Variants in GRIK2 observed in about 807,000 individuals in gnomAD.
GRIK2 encodes the protein glutamate ionotropic receptor kainate type subunit 2, also known as glutamate receptor ionotropic, kainate 2.
A neutral mutation model predicts 100.3 loss-of-function variants in GRIK2; 32 were observed. The ratio of observed to expected loss-of-function variants is 0.32; its 90% confidence interval spans 0.24 to 0.43. The LOEUF (loss-of-function observed/expected upper bound fraction) is 0.43, where lower values mean the gene tolerates loss of function less well. Among genes scored for constraint, GRIK2 ranks in the 20% least tolerant of loss-of-function variants. GRIK2 has a pLI of 1.00. For missense variants in GRIK2, 843 were observed against 1,114.9 expected (o/e 0.76, Z 3.47); for synonymous variants, 417 against 389.4 (o/e 1.07, Z -0.83).
chr6:101,592,443 T>C (rs2128307056), intron 2 of GRIK2, among the ~76,000 whole-genome samples: 1 of 149,576 alleles, frequency 6.7e-6, no homozygotes, highest in African/African-American at 2.5e-5. Flanking sequence ...GTGAGTTACC[T>C]AGAAAGGAGG....
chr6:102,035,155 G>T (rs1002817862), intron 14 of GRIK2, among the ~76,000 whole-genome samples, 186 bp from the exon 15 acceptor site: 45 of 148,194 alleles, frequency 3.0e-4, no homozygotes, highest in African/African-American at 1.1e-3. Flanking sequence ...ACGAGAAATT[G>T]CTATGAGACA....
intron 9 of GRIK2, among the ~76,000 whole-genome samples, chr6:101,817,840 C>A (rs1009367176): frequency 2.6e-5 from 4 of 152,158 alleles, no homozygotes; most frequent in African/African-American, 9.6e-5. Flanking sequence ...TGCAAAGATG[C>A]GTTTTTAAAT....
chr6:101,849,115 T>A (rs2128438859), intron 10 of GRIK2, among the ~76,000 whole-genome samples: 1 of 152,092 alleles, frequency 6.6e-6, no homozygotes, highest in South Asian at 2.1e-4. Flanking sequence ...TGCTGCCTTA[T>A]ACTATCTAGT....
intron 4 of GRIK2, among the ~76,000 whole-genome samples, chr6:101,653,379 A>G (rs1457638237): frequency 6.6e-6 from 1 of 151,016 alleles, no homozygotes; most frequent in Non-Finnish European, 1.5e-5. Flanking sequence ...GCCTCTGCTT[A>G]CTCCTCACCC....
intron 2 of GRIK2, among the ~76,000 whole-genome samples, chr6:101,463,568 T>C (rs1176672341): frequency 6.6e-6 from 1 of 152,172 alleles, no homozygotes; most frequent in Non-Finnish European, 1.5e-5. Context: ...TACTGCCTGG[T>C]CTTTTGGGGA....
intron 2 of GRIK2, among the ~76,000 whole-genome samples, chr6:101,405,210 C>T (rs1176728686): frequency 1.3e-5 from 2 of 151,834 alleles, no homozygotes; most frequent in Non-Finnish European, 2.9e-5. Flanking sequence ...TAAAATTATC[C>T]CTTTAAAAGA....
chr6:101,422,287 G>A (rs1776447974), intron 2 of GRIK2, among the ~76,000 whole-genome samples: 1 of 152,062 alleles, frequency 6.6e-6, no homozygotes, highest in Admixed American at 6.6e-5. Flanking sequence ...AATGCAAGCT[G>A]CTCTTGGATT....
intron 2 of GRIK2, among the ~76,000 whole-genome samples, chr6:101,518,765 A>C (rs529645105): frequency 6.6e-6 from 1 of 152,258 alleles, no homozygotes; most frequent in African/African-American, 2.4e-5. Flanking sequence ...AAGTTACTTG[A>C]CTAAGCAATT....
intron 14 of GRIK2, among the ~76,000 whole-genome samples, chr6:101,944,900 C>T (rs1791181633): frequency 6.6e-6 from 1 of 151,938 alleles, no homozygotes; most frequent in Non-Finnish European, 1.5e-5. Flanking sequence ...TAGAGATTTT[C>T]AGTTTATACA....
intron 7 of GRIK2, among the ~76,000 whole-genome samples, chr6:101,699,166 T>C (rs1192260247): frequency 1.3e-5 from 2 of 152,272 alleles, no homozygotes; most frequent in East Asian, 3.9e-4. Context: ...CTAGAGTTAC[T>C]GCCAGACCTG....
At chr6:101,679,485 TTATTA>T (rs1366213954) in intron 5 of GRIK2, among the ~76,000 whole-genome samples, 6 of 152,308 alleles carry the variant, frequency 3.9e-5, no homozygotes, top group African/African-American at 1.4e-4. Flanking sequence ...GTTGAGGCAA[TTATTA>T]TATTATTTGT....
intron 14 of GRIK2, among the ~76,000 whole-genome samples, chr6:102,014,747 A>G (rs1424387429): frequency 6.6e-6 from 1 of 152,084 alleles, no homozygotes; most frequent in Non-Finnish European, 1.5e-5. Flanking sequence ...TATGGTTTTG[A>G]GCAATTTTCT....
chr6:102,031,075 T>G, intron 14 of GRIK2, among the ~76,000 whole-genome samples: 1 of 98,896 alleles, frequency 1.0e-5, no homozygotes, highest in Non-Finnish European at 2.1e-5. Context: ...GTATTATGCA[T>G]TACACACACA....
intron 12 of GRIK2, among the ~76,000 whole-genome samples, chr6:101,912,193 A>T (rs2518277): frequency 0.86 from 128,793 of 150,602 alleles, 55,251 homozygotes; most frequent in East Asian, 0.94. Flanking sequence ...TATATTTTTT[A>T]TTGGGTATAC....
chr6:101,777,197 C>T (rs760348679), intron 7 of GRIK2, among the ~76,000 whole-genome samples: 33 of 152,188 alleles, frequency 2.2e-4, no homozygotes, highest in Non-Finnish European at 3.5e-4. Context: ...AATTGGCTCC[C>T]GACTGGGTCT....
chr6:101,618,166 T>C (rs1779987541), intron 2 of GRIK2, among the ~76,000 whole-genome samples: 1 of 151,816 alleles, frequency 6.6e-6, no homozygotes. Context: ...AATGTCACAT[T>C]TCAATGTATG....
At chr6:101,955,919 T>G (rs1791907717) in intron 14 of GRIK2, among the ~76,000 whole-genome samples, 2 of 152,072 alleles carry the variant, frequency 1.3e-5, no homozygotes, top group African/African-American at 4.8e-5. Flanking sequence ...TTTTATTATT[T>G]TCTTCCTTCT....
chr6:101,642,588 G>T (rs979838887), intron 4 of GRIK2, among the ~76,000 whole-genome samples: 2 of 151,658 alleles, frequency 1.3e-5, no homozygotes, highest in African/African-American at 4.8e-5. Flanking sequence ...TTGTTTTTAA[G>T]GCTCAATTAT....
intron 4 of GRIK2, among the ~76,000 whole-genome samples, chr6:101,675,023 A>G (rs1407006715): frequency 6.6e-6 from 1 of 152,110 alleles, no homozygotes; most frequent in African/African-American, 2.4e-5. Flanking sequence ...TTTATTTGTG[A>G]TAAGAACAGA....
Sources: gnomAD v4.1 joint callset for allele counts (sites outside exome capture counted in the v4.1 genomes callset) on GRCh38, gnomAD v4.1.1 for gene constraint, MANE v1.5 for transcripts, NCBI Gene and HGNC (gene_info 2026-07-23, HGNC 2026-07-21) for gene names.